SPAG16: variants seen among roughly 807,000 people sequenced by gnomAD.
The protein encoded by SPAG16 is sperm-associated antigen 16 protein.
Under a neutral mutation model 80.4 loss-of-function variants are expected in SPAG16, and 86 were observed. That is an observed-to-expected ratio of 1.07 (90% CI 0.90 to 1.28). The LOEUF (loss-of-function observed/expected upper bound fraction) is 1.28. SPAG16 is among the 50% of genes most tolerant of loss of function. The pLI is 0.00. For synonymous variants in SPAG16, 294 were observed against 265.9 expected (o/e 1.11, Z -1.03); for missense variants, 870 against 765.3 (o/e 1.14, Z -1.61).
chr2:213,596,158 T>G (rs556901650), intron 10 of SPAG16, among the ~76,000 whole-genome samples: 53 of 152,166 alleles, frequency 3.5e-4, no homozygotes, highest in African/African-American at 1.2e-3. Context: ...TAATAAGCAA[T>G]AGGCCAGGCA....
In SPAG16 at chr2:214,127,809, A is replaced by C. The variant is rs928812272; in HGVS notation, c.1593+19548A>C. Reference sequence around the variant, plus strand: ...AGCTTGTCTGGGTGATACTTAATGAATGACTAATCATGTTTTCAAAACTCT... The same window carrying C: ...AGCTTGTCTGGGTGATACTTAATGACTGACTAATCATGTTTTCAAAACTCT... On this transcript the variant is annotated intron_variant, in intron 14 of 15. Transcript: ENST00000331683. 1.3e-5 allele frequency among the ~76,000 whole-genome samples: 2 copies of C among 151,854 alleles called. 1 individual carries two copies. Among genetic ancestry groups the C allele is most frequent in the Admixed American group, 1.3e-4 (2 of 14,968 alleles).
At chr2:214,044,262 A>G (rs1422316862) in intron 13 of SPAG16, among the ~76,000 whole-genome samples, 2 of 152,234 alleles carry the variant, frequency 1.3e-5, no homozygotes, top group East Asian at 3.8e-4. Context: ...ACTCTAAGTA[A>G]TACATTTTCT....
chr2:214,009,723 A>G (rs1280599024), intron 12 of SPAG16, among the ~76,000 whole-genome samples: 2 of 152,154 alleles, frequency 1.3e-5, no homozygotes, highest in Non-Finnish European at 2.9e-5. Context: ...GAAGAGATAC[A>G]CGTCAGGGAT....
At chr2:214,197,969 G>T (rs912669581) in intron 15 of SPAG16, among the ~76,000 whole-genome samples, 1 of 151,908 alleles carries the variant, frequency 6.6e-6, no homozygotes, top group Admixed American at 6.6e-5. Context: ...TGGCCATTGG[G>T]TGAAAATGGC....
At chr2:213,938,276 G>C (rs923352625) in intron 12 of SPAG16, among the ~76,000 whole-genome samples, 2 of 151,920 alleles carry the variant, frequency 1.3e-5, no homozygotes, top group Non-Finnish European at 2.9e-5. Context: ...AAAGGGTTTA[G>C]TATATTTCTA....
At chr2:214,094,571 A>T (rs2052453230) in intron 13 of SPAG16, among the ~76,000 whole-genome samples, 1 of 152,066 alleles carries the variant, frequency 6.6e-6, no homozygotes, top group South Asian at 2.1e-4. Flanking sequence ...TGCCCAGGGC[A>T]TGCTTTGTTT....
intron 15 of SPAG16, among the ~76,000 whole-genome samples, chr2:214,179,721 A>G (rs749836038): frequency 4.0e-5 from 6 of 151,474 alleles, no homozygotes; most frequent in African/African-American, 4.8e-5. Context: ...CTTGTGGACA[A>G]TAACTATCCA....
intron 12 of SPAG16, among the ~76,000 whole-genome samples, chr2:213,961,866 GT>G (rs2044448572): frequency 6.6e-6 from 1 of 151,814 alleles, no homozygotes; most frequent in African/African-American, 2.4e-5. Context: ...TATTTGTCTG[GT>G]TTTGATATAA....
chr2:213,451,111 A>G (rs1474139491), intron 9 of SPAG16, among the ~76,000 whole-genome samples: 2 of 150,548 alleles, frequency 1.3e-5, no homozygotes, highest in African/African-American at 2.5e-5. Context: ...GGAAAGAACT[A>G]TAGGTAAACA....
chr2:214,053,318 A>G (rs1350339321), intron 13 of SPAG16, among the ~76,000 whole-genome samples: 1 of 152,204 alleles, frequency 6.6e-6, no homozygotes, highest in Non-Finnish European at 1.5e-5. Context: ...AAAAATGAAA[A>G]TTAAACATTC....
chr2:214,408,726 G>T (rs959021331), intron 15 of SPAG16, among the ~76,000 whole-genome samples: 2 of 152,054 alleles, frequency 1.3e-5, no homozygotes, highest in African/African-American at 4.8e-5. Context: ...TGTCAAGAAG[G>T]CATCATTGAT....
Position 214,274,128 on chromosome 2 carries a change from A to G in SPAG16, c.1720+124862A>G, listed in dbSNP as rs773929965. Among the ~76,000 whole-genome samples the G allele has an allele frequency of 5.3e-5, 8 of 152,264 alleles. No homozygotes were observed. The South Asian group carries it at 6.2e-4, about 12-fold the overall frequency. On this transcript the variant is annotated intron_variant, in intron 15 of 15. Coordinates refer to ENST00000331683, the MANE Select transcript of SPAG16 (RefSeq NM_024532.5). ...TTATTGGTGTATAGGAATGCTTGTG[A>G]TCTTTACACATTGATTTTGTATCCT...
At chr2:214,085,016 TG>T (rs2051627269) in intron 13 of SPAG16, among the ~76,000 whole-genome samples, 1 of 152,162 alleles carries the variant, frequency 6.6e-6, no homozygotes, top group African/African-American at 2.4e-5. Flanking sequence ...GTGAGGGAGT[TG>T]GAAGAAATGC....
intron 10 of SPAG16, among the ~76,000 whole-genome samples, chr2:213,823,992 C>T (rs1559497900): frequency 1.3e-5 from 2 of 152,136 alleles, no homozygotes; most frequent in South Asian, 4.1e-4. Flanking sequence ...TTGCCCATGC[C>T]TATGTCCTGA....
At chr2:213,577,182 C>T (rs1368407571) in intron 10 of SPAG16, among the ~76,000 whole-genome samples, 1 of 152,058 alleles carries the variant, frequency 6.6e-6, no homozygotes, top group Admixed American at 6.6e-5. Context: ...ATTATATACT[C>T]TTTATGAAAG....
At chr2:214,360,205 A>G (rs140397436) in intron 15 of SPAG16, among the ~76,000 whole-genome samples, 375 of 152,030 alleles carry the variant, frequency 2.5e-3, no homozygotes, top group Non-Finnish European at 4.3e-3. Flanking sequence ...TCCCAGCCAA[A>G]TAACTGATGG....
At chr2:214,374,978 C>T (rs890495290) in intron 15 of SPAG16, among the ~76,000 whole-genome samples, 6 of 152,070 alleles carry the variant, frequency 3.9e-5, no homozygotes, top group Non-Finnish European at 7.4e-5. Flanking sequence ...GAAAGATCAC[C>T]GTGCTTTCAG....
chr2:213,814,103 T>A (rs988369354), intron 10 of SPAG16, among the ~76,000 whole-genome samples: 2 of 152,176 alleles, frequency 1.3e-5, no homozygotes, highest in Non-Finnish European at 2.9e-5. Context: ...GACATTTTTA[T>A]GGGAACAGTC....
intron 15 of SPAG16, among the ~76,000 whole-genome samples, chr2:214,329,767 T>C (rs1696763194): frequency 1.3e-5 from 2 of 152,132 alleles, no homozygotes; most frequent in South Asian, 2.1e-4. Flanking sequence ...CCCTAGAGTA[T>C]ATAAATCAAT....
Sources: gnomAD v4.1 joint callset for allele counts (sites outside exome capture counted in the v4.1 genomes callset) on GRCh38, gnomAD v4.1.1 for gene constraint, MANE v1.5 for transcripts, NCBI Gene and HGNC (gene_info 2026-07-23, HGNC 2026-07-21) for gene names.